SS18: variants seen among roughly 807,000 people sequenced by gnomAD.
SS18 encodes protein SSXT.
Under a neutral mutation model 72.5 loss-of-function variants are expected in SS18, and 28 were observed. The observed-to-expected ratio is 0.39, with a 90% CI of 0.29 to 0.53. SS18 has a LOEUF of 0.53. Ranked by LOEUF, SS18 falls within the 20% of genes least tolerant of loss-of-function variation. SS18 has a pLI of 0.76. For synonymous variants in SS18, 172 were observed against 164.2 expected, an observed-to-expected ratio of 1.05 and a Z score of -0.37; for missense variants, 518 against 535.3, an observed-to-expected ratio of 0.97 and a Z score of 0.32.
intron 10 of SS18, among the ~76,000 whole-genome samples, chr18:26,024,343 G>A (rs1173816850): frequency 2.0e-5 from 3 of 152,072 alleles, no homozygotes; most frequent in African/African-American, 7.2e-5. Flanking sequence ...TTTTTTGGGG[G>A]GACAGGATAT....
At chr18:26,041,380 T>C (rs958262117) in intron 5 of SS18, among the ~76,000 whole-genome samples, 3 of 152,240 alleles carry the variant, frequency 2.0e-5, no homozygotes, top group Admixed American at 1.3e-4. Context: ...GCTGAGATCA[T>C]GTAACTGCAC....
intron 3 of SS18, among the ~76,000 whole-genome samples, chr18:26,060,955 C>CA (rs768913124): frequency 0.045 from 4,088 of 91,634 alleles, 106 homozygotes; most frequent in African/African-American, 0.09. Context: ...AACTTTGTCT[C>CA]AAAAAAAAAA....
intron 5 of SS18, among the ~76,000 whole-genome samples, chr18:26,049,895 T>C (rs1006911285): frequency 4.6e-5 from 7 of 151,386 alleles, no homozygotes; most frequent in Admixed American, 1.3e-4. Flanking sequence ...GGAAAATATA[T>C]GTTGGATTGA....
At chr18:26,039,165 T>C in intron 6 of SS18, 124 bp downstream of exon 6, 1 of 783,534 alleles carries the variant, frequency 1.3e-6, no homozygotes, top group Non-Finnish European at 1.9e-6. Context: ...CCCTACCTTT[T>C]GTCAAAAAAA....
rs1477045703 is a variant in SS18 at position 26,055,689 on chromosome 18, C to T, written c.385+1900G>A. ...AAATAAAGAAAATATAAGTTACTGG[C>T]CTTCCAATTTCTCCTACACTTAACT... On this transcript the variant is annotated intron_variant, in intron 4 of 10. Transcript: ENST00000415083. Among the ~76,000 whole-genome samples the T allele has an allele frequency of 2.5e-4, 38 of 151,288 alleles. 1 individual carries two copies. The highest frequency in any genetic ancestry group is 8.0e-4 in the African/African-American group (33 of 41,222).
chr18:26,058,693 C>T (rs546976450), intron 3 of SS18, among the ~76,000 whole-genome samples: 2 of 152,284 alleles, frequency 1.3e-5, no homozygotes, highest in South Asian at 4.1e-4. Flanking sequence ...AATACTCAAA[C>T]CTCCAAACAG....
chr18:26,084,111 T>C (rs2054576559), intron 2 of SS18: 2 of 151,988 alleles, frequency 1.3e-5, no homozygotes, highest in Non-Finnish European at 2.9e-5. Flanking sequence ...AGAAAATAAG[T>C]AAATGTTCAA....
chr18:26,076,303 C>T (rs2054411062), intron 3 of SS18, among the ~76,000 whole-genome samples: 2 of 149,436 alleles, frequency 1.3e-5, no homozygotes, highest in African/African-American at 4.9e-5. Context: ...TTAAGTATAA[C>T]AAGAGAGTGG....
At chr18:26,029,412 G>T (rs935661050) in intron 10 of SS18, among the ~76,000 whole-genome samples, 1 of 152,086 alleles carries the variant, frequency 6.6e-6, no homozygotes, top group South Asian at 2.1e-4. Flanking sequence ...ATCAAGAAAA[G>T]CAAAAAGGAG....
chr18:26,023,506 A>G lies in SS18; in HGVS notation c.1231-5126T>C, dbSNP rs939892467. The G allele has an allele frequency of 1.6e-5, 7 of 425,070 alleles. No individual in the cohort carries two copies. In the Admixed American group the frequency reaches 2.7e-4, roughly 17 times the overall value. The allele number at this position is 425,070 out of a possible 1,614,324, so 26.3% of individuals were successfully genotyped here. ...AATCTTAAAAACAGAGAAAAAAGAC[A>G]TATTAACTACAAAAGAACAAAGATA... On this transcript the variant is annotated intron_variant, in intron 10 of 10. Transcript: ENST00000415083.
chr18:26,055,742 ATTCT>A (rs1322058138), intron 4 of SS18, among the ~76,000 whole-genome samples: 2 of 150,284 alleles, frequency 1.3e-5, no homozygotes, highest in South Asian at 2.1e-4. Context: ...GTTAGGAGAA[ATTCT>A]TTCTGTTTTT....
intron 5 of SS18, among the ~76,000 whole-genome samples, chr18:26,046,379 CCTTT>C (rs1405772551): frequency 1.3e-5 from 2 of 152,022 alleles, no homozygotes; most frequent in Non-Finnish European, 2.9e-5. Context: ...TTGTCACACT[CCTTT>C]CTAAGTTTGG....
At chr18:26,022,487 A>G (rs1005070722) in intron 10 of SS18, among the ~76,000 whole-genome samples, 1 of 152,144 alleles carries the variant, frequency 6.6e-6, no homozygotes, top group African/African-American at 2.4e-5. Flanking sequence ...TTCAGGACAC[A>G]CAGGACAGAG....
rs139982956 is a variant in SS18 at position 26,039,451 on chromosome 18, T to C, written c.613A>G (p.Met205Val). The change falls in exon 6 of 11, where the codon ATG becomes GTG. Residue 205 changes from methionine (M) to valine (V), a missense_variant. Coordinates refer to ENST00000415083, the MANE Select transcript of SS18 (RefSeq NM_001007559.3). ...NMSMQPNQGP[M>V]MHQQPPSQQY... is the part of the protein sequence containing the mutation. ...TGAGAAGGAGGCTGCTGATGCATCA[T>C]TGGACCTGAAACAAGACACAACATT... 2.5e-4 allele frequency: 403 copies of C among 1,613,034 alleles called. No homozygotes were observed. Among genetic ancestry groups the C allele is most frequent in the African/African-American group, 6.4e-4 (48 of 75,008 alleles).
At chr18:26,067,522 G>A (rs2144083230) in intron 3 of SS18, among the ~76,000 whole-genome samples, 1 of 152,228 alleles carries the variant, frequency 6.6e-6, no homozygotes, top group East Asian at 1.9e-4. Flanking sequence ...TTGGAAGCTG[G>A]ATTCATGGCT....
chr18:26,090,798 C>T, upstream of SS18: 1 of 587,534 alleles, frequency 1.7e-6, no homozygotes, highest in South Asian at 2.0e-5. Flanking sequence ...ACTTTCTTGA[C>T]CGTCCCTGCA....
At chr18:26,031,081 TCA>T (rs746045675) in intron 10 of SS18, among the ~76,000 whole-genome samples, 17 of 152,216 alleles carry the variant, frequency 1.1e-4, no homozygotes, top group Non-Finnish European at 2.2e-4. Flanking sequence ...GGACAGAATC[TCA>T]CTTTTTAAAA....
chr18:26,039,696 T>C (rs1403945892), intron 5 of SS18, among the ~76,000 whole-genome samples: 1 of 152,194 alleles, frequency 6.6e-6, no homozygotes, highest in African/African-American at 2.4e-5. Context: ...AAGATGATTC[T>C]TAGTCATTTT....
rs2053268567 is a variant in SS18, at chr18:26,017,466, T to C, written c.*888A>G. Reference sequence around the variant, plus strand: ...TGATATTACTTACTAAGTTCCCTGATAACTCAAACAAGGTAAAATTAACAC... The same window carrying C: ...TGATATTACTTACTAAGTTCCCTGACAACTCAAACAAGGTAAAATTAACAC... On this transcript the variant is annotated 3_prime_UTR_variant, in exon 11 of 11. Coordinates refer to ENST00000415083, the MANE Select transcript of SS18 (RefSeq NM_001007559.3). 1 of 193,812 alleles carries C rather than the reference T, an allele frequency of 5.2e-6. No individual in the cohort carries two copies. The highest frequency in any genetic ancestry group is 1.1e-5 in the Non-Finnish European group (1 of 92,580). 12.0% of individuals were successfully genotyped at this position (193,812 alleles called of 1,614,324 possible).
Sources: allele counts gnomAD v4.1 joint callset (sites outside exome capture counted in the v4.1 genomes callset), GRCh38; gene constraint gnomAD v4.1.1; transcripts MANE v1.5; gene names NCBI Gene and HGNC (gene_info 2026-07-23, HGNC 2026-07-21).